Variants in DNAH9 observed in about 807,000 individuals in gnomAD.
DNAH9 encodes the protein dynein axonemal heavy chain 9.
In DNAH9, 345 loss-of-function variants were observed where a neutral mutation model predicts 471.6. The observed-to-expected ratio is 0.73, with a 90% confidence interval of 0.67 to 0.80. The LOEUF is 0.80. Among genes scored for constraint, DNAH9 ranks in the 30% least tolerant of loss-of-function variants. DNAH9 has a pLI of 0.00. For missense variants in DNAH9, 5,407 were observed against 5,609.2 expected (o/e 0.96, Z 1.15); for synonymous variants, 2,093 against 2,123.6 (o/e 0.99, Z 0.40).
At chr17:11,653,134 C>T in intron 14 of DNAH9, 132 bp downstream of exon 14, 1 of 985,080 alleles carries the variant, frequency 1.0e-6, no homozygotes, top group South Asian at 1.7e-5. Flanking sequence ...GAAGTTTAGG[C>T]TGATAGCAAA....
At chr17:11,751,402 A>G (rs1238736184) in intron 32 of DNAH9, among the ~76,000 whole-genome samples, 1 of 152,022 alleles carries the variant, frequency 6.6e-6, no homozygotes, top group East Asian at 1.9e-4. Flanking sequence ...CAAAAATAAT[A>G]CCCTTTGACC....
chr17:11,820,698 C>T (rs747023763), intron 45 of DNAH9, among the ~76,000 whole-genome samples: 1 of 151,882 alleles, frequency 6.6e-6, no homozygotes, highest in Non-Finnish European at 1.5e-5. Flanking sequence ...AACCACTTTA[C>T]TATAATCTGA....
At chr17:11,917,122 T>G (rs552361422) in intron 61 of DNAH9, among the ~76,000 whole-genome samples, 13 of 152,188 alleles carry the variant, frequency 8.5e-5, no homozygotes, top group Admixed American at 5.9e-4. Context: ...CCATCCACTC[T>G]TCTTGGCCTC....
chr17:11,913,036 C>T (rs916205088), intron 61 of DNAH9, among the ~76,000 whole-genome samples: 21 of 152,036 alleles, frequency 1.4e-4, no homozygotes, highest in African/African-American at 4.8e-4. Flanking sequence ...GGCATGGTGG[C>T]ACATGTCTGT....
intron 19 of DNAH9, among the ~76,000 whole-genome samples, chr17:11,685,289 A>G (rs964546511): frequency 6.6e-6 from 1 of 152,196 alleles, no homozygotes; most frequent in Non-Finnish European, 1.5e-5. Flanking sequence ...TTCTGGGCAA[A>G]GGAAATAGCA....
intron 18 of DNAH9, among the ~76,000 whole-genome samples, chr17:11,680,222 A>G (rs1193190404): frequency 6.6e-6 from 1 of 151,432 alleles, no homozygotes; most frequent in Non-Finnish European, 1.5e-5. Flanking sequence ...CTCCATAGAA[A>G]TGAACCAATG....
intron 43 of DNAH9, among the ~76,000 whole-genome samples, chr17:11,799,615 C>T (rs565719273): frequency 6.6e-6 from 1 of 152,258 alleles, no homozygotes; most frequent in Admixed American, 6.5e-5. Flanking sequence ...GAGAGGGAGT[C>T]TCACTCTGTC....
intron 17 of DNAH9, among the ~76,000 whole-genome samples, chr17:11,674,695 G>T (rs762953195): frequency 1.3e-5 from 2 of 152,030 alleles, no homozygotes; most frequent in Non-Finnish European, 2.9e-5. Flanking sequence ...AATTTGTGTG[G>T]CCAAATGTGT....
intron 26 of DNAH9, among the ~76,000 whole-genome samples, chr17:11,718,042 T>TTGTGTGTG (rs57394041): frequency 6.7e-6 from 1 of 149,390 alleles, no homozygotes; most frequent in South Asian, 2.1e-4. Flanking sequence ...CCCATCTCAT[T>TTGTGTGTG]TGTGTGTGTG....
At chr17:11,762,758 G>GTTTTTTTTTTTTTTTTTTTTTTTTTTT (rs111963634) in intron 35 of DNAH9, among the ~76,000 whole-genome samples, 3 of 94,788 alleles carry the variant, frequency 3.2e-5, no homozygotes, top group Non-Finnish European at 6.4e-5. Context: ...CTTTAGGTGC[G>GTTTTTTTTTTTTTTTTTTTTTTTTTTT]TTTTTTTTTT....
intron 57 of DNAH9, among the ~76,000 whole-genome samples, chr17:11,888,356 A>G (rs1450425363): frequency 6.6e-6 from 1 of 152,310 alleles, no homozygotes; most frequent in Admixed American, 6.5e-5. Context: ...GGAAAGAATT[A>G]TAAAAATCTT....
intron 15 of DNAH9, among the ~76,000 whole-genome samples, chr17:11,665,656 T>A (rs545188867): frequency 4.7e-4 from 72 of 151,996 alleles, no homozygotes; most frequent in Non-Finnish European, 7.2e-4. Context: ...GGCAGAAGAG[T>A]TCAGGACTAA....
chr17:11,763,651 G>A, intron 36 of DNAH9, 37 bp downstream of exon 36: 2 of 1,589,454 alleles, frequency 1.3e-6, no homozygotes, highest in Middle Eastern at 1.7e-4. Flanking sequence ...CCACACTGAA[G>A]TCTGTAGCAG....
chr17:11,953,723 C>T (rs12453903), intron 67 of DNAH9, among the ~76,000 whole-genome samples: 66,077 of 143,436 alleles, frequency 0.46, 15,537 homozygotes, highest in Middle Eastern at 0.58. Flanking sequence ...CGCCACTGCA[C>T]TCCAGCCTGG....
chr17:11,756,531 C>T, intron 33 of DNAH9, 37 bp from the exon 34 acceptor site: 1 of 1,241,710 alleles, frequency 8.1e-7, no homozygotes, highest in Non-Finnish European at 1.2e-6. Flanking sequence ...GCACCTCCCT[C>T]CTTCCTCACT....
intron 59 of DNAH9, among the ~76,000 whole-genome samples, chr17:11,898,025 G>A (rs1180255416): frequency 3.9e-5 from 6 of 152,158 alleles, no homozygotes; most frequent in African/African-American, 1.4e-4. Context: ...CTTTGTGGCA[G>A]CATAACTCCA....
At chr17:11,695,128 T>C (rs1266468363) in intron 22 of DNAH9, among the ~76,000 whole-genome samples, 1 of 151,648 alleles carries the variant, frequency 6.6e-6, no homozygotes, top group East Asian at 2.0e-4. Flanking sequence ...GACCTCGTGA[T>C]CTGCCCATCT....
chr17:11,838,631 A>C (rs1236246143), intron 49 of DNAH9, among the ~76,000 whole-genome samples: 1 of 152,178 alleles, frequency 6.6e-6, no homozygotes, highest in Non-Finnish European at 1.5e-5. Flanking sequence ...GGTGGCTTAG[A>C]AGGTGATGTG....
chr17:11,755,687 T>TACACAC (rs375603663), intron 33 of DNAH9, among the ~76,000 whole-genome samples: 61 of 148,618 alleles, frequency 4.1e-4, no homozygotes, highest in Middle Eastern at 3.5e-3. Flanking sequence ...TCAACACACA[T>TACACAC]ACACACACAC....
Sources: allele counts gnomAD v4.1 joint callset (sites outside exome capture counted in the v4.1 genomes callset), GRCh38; gene constraint gnomAD v4.1.1; transcripts MANE v1.5; gene names NCBI Gene and HGNC (gene_info 2026-07-23, HGNC 2026-07-21).